The following SZT2 variants were observed in gnomAD, a reference collection of about 807,000 sequenced individuals.
SZT2 encodes the protein SZT2 subunit of KICSTOR complex, also known as KICSTOR complex protein SZT2.
In SZT2, 216 loss-of-function variants were observed where a neutral mutation model predicts 404.2. That is an observed-to-expected ratio of 0.53 (90% CI 0.48 to 0.60). The LOEUF (loss-of-function observed/expected upper bound fraction) is 0.60, where lower values mean the gene tolerates loss of function less well. Ranked by LOEUF, SZT2 falls within the 20% of genes least tolerant of loss-of-function variation. SZT2 has a pLI of 0.00. For missense variants in SZT2, 3,857 were observed against 4,459.2 expected (o/e 0.86, Z 3.85); for synonymous variants, 1,693 against 1,749.9 (o/e 0.97, Z 0.81).
intron 62 of SZT2, among the ~76,000 whole-genome samples, chr1:43,444,858 G>A (rs577181885): frequency 5.9e-5 from 9 of 152,294 alleles, no homozygotes; most frequent in Non-Finnish European, 1.5e-5. Flanking sequence ...ATCAAGGCAT[G>A]TTCTCCCTCC....
rs571071222 is a variant in SZT2 at position 43,420,140 on chromosome 1, A to G, written c.1091-13A>G. On this transcript the variant is annotated splice_polypyrimidine_tract_variant and intron_variant, in intron 8 of 71. Coordinates refer to ENST00000634258, the MANE Select transcript of SZT2 (RefSeq NM_001365999.1). This position sits in a 1 kb window ranked among gnomAD's most constrained non-coding sequence, Gnocchi z 5.1. ...AACCAGTTTCTCCTTCCCCATCTCC[A>G]CTGGTCTTCCAGGCTCTCAGCACCG... 6.3e-7 allele frequency: 1 copy of G among 1,597,848 alleles called. No homozygotes were observed. Among genetic ancestry groups the G allele is most frequent in the East Asian group, 2.2e-5 (1 of 44,876 alleles).
chr1:43,452,043 G>T lies in SZT2; in HGVS notation c.*1563G>T, dbSNP rs757239031. The T allele has an allele frequency of 3.8e-6, 6 of 1,585,898 alleles. No homozygotes were observed. The highest frequency in any genetic ancestry group is 1.7e-5 in the Admixed American group (1 of 58,782). On this transcript the variant is annotated 3_prime_UTR_variant, in exon 72 of 72. Transcript: ENST00000634258. Reference sequence around the variant, plus strand: ...CAGCATGTCGGGTGCTGTGAATAGAGCTCCTTCCCAAGTTTGTCCCCCATC... The same window carrying T: ...CAGCATGTCGGGTGCTGTGAATAGATCTCCTTCCCAAGTTTGTCCCCCATC...
Position 43,439,692 on chromosome 1 carries a change from C to A in SZT2, c.6965C>A (p.Pro2322Gln). The A allele has an allele frequency of 6.2e-7, 1 of 1,612,630 alleles. No individual in the cohort carries two copies. Among genetic ancestry groups the A allele is most frequent in the Non-Finnish European group, 8.5e-7 (1 of 1,179,286 alleles). Residue 2322 changes from proline (P) to glutamine (Q), a missense_variant, in exon 50 of 72, where the codon CCA becomes CAA. Physicochemically the swap from Pro to Gln is moderately conservative, Grantham distance 76. Coordinates refer to ENST00000634258, the MANE Select transcript of SZT2 (RefSeq NM_001365999.1). This position sits in a 1 kb window ranked among gnomAD's most constrained non-coding sequence, Gnocchi z 4.2. ...ALWPPSSPGP[P>Q]DPLREEEFEQ... The stretch of plus-strand genomic sequence containing the variant: ...TGGCCCCCCTCCTCTCCGGGGCCCC[C>A]AGACCCACTGCGAGAGGAGGAATTT...
chr1:43,430,656 G>T lies in SZT2; in HGVS notation c.4641G>T (p.Leu1547Phe), dbSNP rs541972325. 3.8e-5 allele frequency: 61 copies of T among 1,614,118 alleles called. No homozygotes were observed. The South Asian group carries it at 5.8e-4, about 15-fold the overall frequency. ...CTGATGAAGACTCCTTCAGTATCTT[G>T]GGGGGCGACTCACCCACTGGGCCTG... ...VNPDEDSFSILGGDSPTGPES... is the reference protein window; with the variant it reads ...VNPDEDSFSIFGGDSPTGPES... The change falls in exon 32 of 72, where the codon TTG (leucine) becomes TTT (phenylalanine). Residue 1547 changes from leucine (L) to phenylalanine (F), a missense_variant. Transcript: ENST00000634258.
chr1:43,392,467 T>C (rs1185189225), intron 1 of SZT2, among the ~76,000 whole-genome samples: 2 of 148,418 alleles, frequency 1.3e-5, no homozygotes, highest in Non-Finnish European at 3.0e-5. Flanking sequence ...CAGGCTGGAG[T>C]GCAGTGGTGC....
At chr1:43,446,671 A>G in intron 65 of SZT2, 2 of 618,978 alleles carry the variant, frequency 3.2e-6, no homozygotes, top group East Asian at 5.5e-5. Flanking sequence ...TCTGGCCTGT[A>G]GTCATCTAGA....
At position 43,453,975 on chromosome 1, in the gene SZT2, C is replaced by G. The variant is rs892172626; in HGVS notation, c.*3495C>G. On this transcript the variant is annotated 3_prime_UTR_variant, in exon 72 of 72. Transcript: ENST00000634258. ...CTTCACGAAAAGCGCCTACGGTTAG[C>G]GAGAGAGGGATCACGGGGAGAGGCG... The G allele has an allele frequency of 8.4e-7, 1 of 1,190,280 alleles. No homozygotes were observed. The highest frequency in any genetic ancestry group is 1.0e-6 in the Non-Finnish European group (1 of 961,598). 73.7% of individuals were successfully genotyped at this position (1,190,280 alleles called of 1,614,324 possible). A position where few individuals can be genotyped will look rare whatever the true frequency, so the allele number is the denominator to read the frequency against.
chr1:43,448,284 A>C lies in SZT2; in HGVS notation c.9769A>C (p.Met3257Leu). Reference sequence around the variant, plus strand: ...CCCACCACTGGCTGCAGAGGTGGGCATGGCACGAGCACGGCTGGCTCAGCT... The same window carrying C: ...CCCACCACTGGCTGCAGAGGTGGGCCTGGCACGAGCACGGCTGGCTCAGCT... Reference protein sequence around the residue: ...LFPPLAAEVGMARARLAQLVR... With the variant: ...LFPPLAAEVGLARARLAQLVR... The change falls in exon 69 of 72, where the codon ATG becomes CTG. Residue 3257 changes from methionine to leucine, a missense_variant. Met to Leu is a conservative substitution (Grantham distance 15). Around this residue, in one of 7 missense-constraint regions of SZT2, gnomAD observed 717 missense variants for 868.2 expected, o/e 0.83. Coordinates refer to ENST00000634258, the MANE Select transcript of SZT2 (RefSeq NM_001365999.1). This position sits in a 1 kb window ranked among gnomAD's most constrained non-coding sequence, Gnocchi z 4.2. 3 of 1,563,932 alleles carry C rather than the reference A, an allele frequency of 1.9e-6. No homozygotes were observed. The highest frequency in any genetic ancestry group is 2.4e-5 in the East Asian group (1 of 41,538).
Position 43,454,013 on chromosome 1 carries a change from G to A in SZT2, c.*3533G>A. ...ACGGGGAGAGGCGAAGGGGCGGAGC[G>A]AGGGCGGCCGGAAAAGGAGCAGGAC... On this transcript the variant is annotated 3_prime_UTR_variant, in exon 72 of 72. Transcript: ENST00000634258. 1.7e-6 allele frequency: 2 copies of A among 1,172,622 alleles called. No individual in the cohort carries two copies. The highest frequency in any genetic ancestry group is 2.1e-6 in the Non-Finnish European group (2 of 950,584). 72.6% of individuals were successfully genotyped at this position (1,172,622 alleles called of 1,614,324 possible). A position where few individuals can be genotyped will look rare whatever the true frequency, so the allele number is the denominator to read the frequency against.
At chr1:43,446,670 T>C (rs879502552) in intron 65 of SZT2, 3 of 621,756 alleles carry the variant, frequency 4.8e-6, no homozygotes, top group Non-Finnish European at 8.4e-6. Flanking sequence ...GTCTGGCCTG[T>C]AGTCATCTAG....
Position 43,441,390 on chromosome 1 carries a change from T to C in SZT2, c.7511+10T>C. 1 of 1,613,652 alleles carries C rather than the reference T, an allele frequency of 6.2e-7. No individual in the cohort carries two copies. The highest frequency in any genetic ancestry group is 2.2e-5 in the East Asian group (1 of 44,866). Reference sequence around the variant, plus strand: ...GAGCCCAGAGACAAAAGTATGTGTGTGGTGGTGGTGTGCCCTGGGAGGGTA... The same window carrying C: ...GAGCCCAGAGACAAAAGTATGTGTGCGGTGGTGGTGTGCCCTGGGAGGGTA... On this transcript the variant is annotated intron_variant, in intron 53 of 71. Coordinates refer to ENST00000634258, the MANE Select transcript of SZT2 (RefSeq NM_001365999.1). The surrounding 1 kb of genome is among the most constrained non-coding windows in gnomAD (Gnocchi z 4.8).
At chr1:43,412,336 C>G (rs1651160609) in intron 4 of SZT2, 1 of 152,408 alleles carries the variant, frequency 6.6e-6, no homozygotes. Context: ...CGCTGTGTTG[C>G]CTGGGCTGGA....
At position 43,420,759 on chromosome 1, in the gene SZT2, A is replaced by G. The variant is rs780157180; in HGVS notation, c.1272A>G (p.Gln424=). ...CCGCTTCTCCCTAAGGAGGGTCCCA[A>G]TTGGAGGTAAAGCTGGTGCTGCTGT... is the stretch of plus-strand genomic sequence containing the variant. ...REVTLAKGGS[Q]LEVKLVLLWK... is the part of the protein sequence containing the mutation. The change falls in exon 10 of 72, where the codon CAA becomes CAG. Residue 424 remains glutamine, a synonymous_variant. Coordinates refer to ENST00000634258, the MANE Select transcript of SZT2 (RefSeq NM_001365999.1). The surrounding 1 kb of genome is among the most constrained non-coding windows in gnomAD (Gnocchi z 5.1). The G allele has an allele frequency of 6.8e-5, 108 of 1,598,234 alleles. No individual in the cohort carries two copies. Among genetic ancestry groups the G allele is most frequent in the Middle Eastern group, 1.6e-4 (1 of 6,078 alleles).
In SZT2 at chr1:43,424,142, G is replaced by A; in HGVS notation, c.2256-75G>A. ...AAGGGCGTGGCTTAGCCAGCTGTGA[G>A]TGGTACAGAGGTGTGGAAGGGCGTG... On this transcript the variant is annotated intron_variant, in intron 15 of 71. Coordinates refer to ENST00000634258, the MANE Select transcript of SZT2 (RefSeq NM_001365999.1). This position sits in a 1 kb window ranked among gnomAD's most constrained non-coding sequence, Gnocchi z 4.1. 6.9e-6 allele frequency: 9 copies of A among 1,304,886 alleles called. No homozygotes were observed. Among genetic ancestry groups the A allele is most frequent in the Non-Finnish European group, 9.5e-6 (9 of 943,438 alleles). 80.8% of individuals were successfully genotyped at this position (1,304,886 alleles called of 1,614,324 possible). A position where few individuals can be genotyped will look rare whatever the true frequency, so the allele number is the denominator to read the frequency against.
rs1245742452 is a variant in SZT2 at position 43,424,743 on chromosome 1, T to C, written c.2472-41T>C. On this transcript the variant is annotated intron_variant, in intron 16 of 71. Transcript: ENST00000634258. This position sits in a 1 kb window ranked among gnomAD's most constrained non-coding sequence, Gnocchi z 4.1. ...AGCTTGTAGTCTCAGTGTCTCTTCT[T>C]CCCTTATCCTGGCCTTGCCCCGGCC... 23 of 1,561,338 alleles carry C rather than the reference T, an allele frequency of 1.5e-5. No individual in the cohort carries two copies. Among genetic ancestry groups the C allele is most frequent in the Non-Finnish European group, 1.9e-5 (22 of 1,132,928 alleles).
chr1:43,446,073 A>G (rs544746589), intron 63 of SZT2, 89 bp downstream of exon 63: 1 of 1,585,760 alleles, frequency 6.3e-7, no homozygotes, highest in South Asian at 1.1e-5. Context: ...TACCGAGGTC[A>G]CTGATCCCAG....
intron 4 of SZT2, among the ~76,000 whole-genome samples, chr1:43,411,500 C>T (rs964401609): frequency 2.6e-5 from 4 of 152,222 alleles, no homozygotes; most frequent in Non-Finnish European, 4.4e-5. Flanking sequence ...ACTGCCTCCT[C>T]TCCAAAAGTC....
Position 43,448,889 on chromosome 1 carries a change from G to T in SZT2, c.10086+161G>T, listed in dbSNP as rs550151270. 9 of 681,984 alleles carry T rather than the reference G, an allele frequency of 1.3e-5. No homozygotes were observed. In the East Asian group the frequency reaches 2.3e-4, roughly 17 times the overall value. The allele number at this position is 681,984 out of a possible 1,614,324, so 42.2% of individuals were successfully genotyped here. A position where few individuals can be genotyped will look rare whatever the true frequency, so the allele number is the denominator to read the frequency against. On this transcript the variant is annotated intron_variant, in intron 70 of 71. Transcript: ENST00000634258. This position sits in a 1 kb window ranked among gnomAD's most constrained non-coding sequence, Gnocchi z 4.2. The stretch of plus-strand genomic sequence containing the variant: ...TAAAACCCTTCCAGTACCGGGCATC[G>T]AGCTACAGCATGTGATTCTCTGAGC...
chr1:43,440,600 T>A lies in SZT2; in HGVS notation c.7344+14T>A. ...TGGGATATGCTGGTAATGGAAGAAG[T>A]GGTGAAGTGGGCATCTACCTTTCTG... On this transcript the variant is annotated intron_variant, in intron 52 of 71. Transcript: ENST00000634258. 6.4e-7 allele frequency: 1 copy of A among 1,565,806 alleles called. No homozygotes were observed. Among genetic ancestry groups the A allele is most frequent in the Non-Finnish European group, 8.6e-7 (1 of 1,157,982 alleles).
Sources: gnomAD v4.1 joint callset for allele counts (sites outside exome capture counted in the v4.1 genomes callset) on GRCh38, gnomAD v4.1.1 for gene constraint, gnomAD v4.1.1 regional missense constraint, Gnocchi (gnomAD v3.1) non-coding constraint, MANE v1.5 for transcripts, NCBI Gene and HGNC (gene_info 2026-07-23, HGNC 2026-07-21) for gene names.